FANCI: variants seen among roughly 807,000 people sequenced by gnomAD.
FANCI encodes FA complementation group I, also known as Fanconi anemia group I protein.
In FANCI, 156 loss-of-function variants were observed where a neutral mutation model predicts 176.1. That is an observed-to-expected ratio of 0.89 (90% CI 0.78 to 1.01). The LOEUF is 1.01. Among genes scored for constraint, FANCI ranks in the 50% least tolerant of loss-of-function variants. The probability of loss-of-function intolerance (pLI) is 0.00; values close to 1 mark genes in which losing one functional copy is unlikely to be tolerated. For missense variants in FANCI, 1,678 were observed against 1,534.1 expected, an observed-to-expected ratio of 1.09 and a Z score of -1.57; for synonymous variants, 613 against 541.7, an observed-to-expected ratio of 1.13 and a Z score of -1.83.
chr15:89,306,139 C>G lies in FANCI; in HGVS notation c.3482C>G (p.Thr1161Ser), dbSNP rs750714462. 6.2e-7 allele frequency: 1 copy of G among 1,614,184 alleles called. No individual in the cohort carries two copies. The highest frequency in any genetic ancestry group is 1.1e-5 in the South Asian group (1 of 91,084). The change falls in exon 32 of 38, where the codon ACC (threonine) becomes AGC (serine). Residue 1161 changes from threonine (T) to serine (S), a missense_variant. Thr to Ser is a moderately conservative substitution (Grantham distance 58). Around this residue, in one of 3 missense-constraint regions of FANCI, gnomAD observed 1,204 missense variants for 1,077.4 expected, o/e 1.12. Transcript: ENST00000310775. ...TALPSGSCVD[T>S]LLKDLCKMYT... is the part of the protein sequence containing the mutation. ...CTGCCATCAGGCAGCTGTGTGGACA[C>G]CTTGTTAAAGGACTTGTGCAAAATG...
chr15:89,299,880 T>C lies in FANCI; in HGVS notation c.2717T>C (p.Leu906Pro). Reference sequence around the variant, plus strand: ...AAAGAGAAAGGAAAGAGCATCTCACTGCTGTGCTTGGAGGGTTTACAGAAA... The same window carrying C: ...AAAGAGAAAGGAAAGAGCATCTCACCGCTGTGCTTGGAGGGTTTACAGAAA... ...GKKEKGKSIS[L>P]LCLEGLQKIF... The change falls in exon 25 of 38, where the codon CTG becomes CCG. Residue 906 changes from leucine to proline, a missense_variant. By Grantham distance (98) the Leu-to-Pro change is moderately conservative. This residue lies in a region of FANCI where 1,204 missense variants were observed against 1,077.4 expected (regional missense o/e 1.12). Transcript: ENST00000310775. 2 of 1,614,170 alleles carry C rather than the reference T, an allele frequency of 1.2e-6. No individual in the cohort carries two copies. The highest frequency in any genetic ancestry group is 2.2e-5 in the East Asian group (1 of 44,874).
At chr15:89,310,343 C>G (rs938532439) in intron 34 of FANCI, among the ~76,000 whole-genome samples, 3 of 152,224 alleles carry the variant, frequency 2.0e-5, no homozygotes, top group African/African-American at 4.8e-5. Context: ...AACCATTGCT[C>G]TAGAGTCATA....
At chr15:89,298,201 A>G (rs2054385072) in intron 24 of FANCI, among the ~76,000 whole-genome samples, 1 of 152,194 alleles carries the variant, frequency 6.6e-6, no homozygotes, top group African/African-American at 2.4e-5. Context: ...AGCACCTTCA[A>G]AATACACACT....
At chr15:89,314,504 C>G (rs1418667719) in intron 35 of FANCI, 108 bp from the exon 36 acceptor site, 1 of 834,124 alleles carries the variant, frequency 1.2e-6, no homozygotes, top group Non-Finnish European at 2.0e-6. Flanking sequence ...GATTGGGAGA[C>G]AGACTAGTTT....
chr15:89,314,376 T>C (rs2055112472), intron 35 of FANCI, among the ~76,000 whole-genome samples: 1 of 152,218 alleles, frequency 6.6e-6, no homozygotes. Flanking sequence ...ATTTTCTAGA[T>C]AACAACAAAT....
chr15:89,290,047 G>GA (rs374860877), intron 18 of FANCI, among the ~76,000 whole-genome samples, 166 bp from the exon 19 acceptor site: 109 of 152,042 alleles, frequency 7.2e-4, no homozygotes, highest in Middle Eastern at 6.8e-3. Flanking sequence ...TTTTGGGTGG[G>GA]AAAAAAATAT....
chr15:89,306,968 A>G (rs1350702999), intron 32 of FANCI, among the ~76,000 whole-genome samples: 2 of 152,226 alleles, frequency 1.3e-5, no homozygotes, highest in Non-Finnish European at 2.9e-5. Flanking sequence ...GTGGGGAAGA[A>G]AATTATTTTT....
intron 13 of FANCI, among the ~76,000 whole-genome samples, chr15:89,278,040 G>C (rs933326481): frequency 6.6e-6 from 1 of 152,112 alleles, no homozygotes; most frequent in African/African-American, 2.4e-5. Context: ...CTTAGAGTAT[G>C]TTTTTATATT....
intron 2 of FANCI, among the ~76,000 whole-genome samples, chr15:89,252,609 G>A (rs1318140681): frequency 6.6e-6 from 1 of 152,082 alleles, no homozygotes; most frequent in Admixed American, 6.5e-5. Flanking sequence ...GCGTGGTGGT[G>A]CACGCCTGTA....
intron 6 of FANCI, among the ~76,000 whole-genome samples, chr15:89,262,101 ATCT>A (rs2052736393): frequency 1.3e-5 from 2 of 152,170 alleles, no homozygotes; most frequent in East Asian, 1.9e-4. Flanking sequence ...GCTTGACTGT[ATCT>A]TCTTACAGCA....
rs144908351 is a variant in FANCI, at chr15:89,281,825, A to G, written c.1573A>G (p.Met525Val). Residue 525 changes from methionine (M) to valine (V), a missense_variant, in exon 16 of 38, where the codon ATG (methionine) becomes GTG (valine). Physicochemically the swap from Met to Val is conservative, Grantham distance 21 (BLOSUM62 1). Transcript: ENST00000310775. ...CTTGATACTTGTCCTTCGGAAAGCT[A>G]TGTTTGCCAAGTATGTAGCATCTTT... is the stretch of plus-strand genomic sequence containing the variant. Reference protein sequence around the residue: ...DCLILVLRKAMFANQLDARKS... With the variant: ...DCLILVLRKAVFANQLDARKS... 5,921 of 1,613,740 alleles carry G rather than the reference A, an allele frequency of 3.7e-3. 23 individuals are homozygous for G. Among genetic ancestry groups the G allele is most frequent in the Non-Finnish European group, 4.6e-3 (5,456 of 1,179,816 alleles).
chr15:89,275,083 C>CTTTTTTTTTTT (rs530017776), intron 12 of FANCI, among the ~76,000 whole-genome samples: 1 of 114,986 alleles, frequency 8.7e-6, no homozygotes. Context: ...GGCCTTTCTT[C>CTTTTTTTTTTT]TTTTTTTTTT....
At chr15:89,284,835 C>G (rs2053754243) in intron 17 of FANCI, among the ~76,000 whole-genome samples, 1 of 152,130 alleles carries the variant, frequency 6.6e-6, no homozygotes, top group South Asian at 2.1e-4. Context: ...GTGTACCTTC[C>G]TAAGCAATTG....
Position 89,294,897 on chromosome 15 carries a change from C to CT in FANCI, c.2457-17dup, listed in dbSNP as rs1567166365. 1.9e-6 allele frequency: 3 copies of CT among 1,545,630 alleles called. No individual in the cohort carries two copies. Among genetic ancestry groups the CT allele is most frequent in the Non-Finnish European group, 2.6e-6 (3 of 1,145,354 alleles). The stretch of plus-strand genomic sequence containing the variant: ...AGGGAATCTTCCTTTTTCTTTCTCT[C>CT]TCTCTGTCTCTCTCTAGGGATAGTA... On this transcript the variant is annotated splice_polypyrimidine_tract_variant and intron_variant, in intron 23 of 37. Transcript: ENST00000310775.
chr15:89,294,792 GA>G lies in FANCI; in HGVS notation c.2457-121del, dbSNP rs56694250. On this transcript the variant is annotated intron_variant, in intron 23 of 37. Transcript: ENST00000310775. ...GGCTGCCTAGAGAGTCTGCCAGTCG[GA>G]ACTTACTGGCAAGCTCTGTTGGGTG... 1.1e-3 allele frequency: 1,056 copies of G among 993,436 alleles called. 11 individuals carry two copies. In the African/African-American group the frequency reaches 0.015, roughly 14 times the overall value. The allele number at this position is 993,436 out of a possible 1,614,324, so 61.5% of individuals were successfully genotyped here.
rs768934008 is a variant in FANCI, at chr15:89,302,329, C to A, written c.3006+887C>A. On this transcript the variant is annotated intron_variant, in intron 27 of 37. Coordinates refer to ENST00000310775, the MANE Select transcript of FANCI (RefSeq NM_001113378.2). ...TACTTCATCCCAGTTCCAAACAGCT[C>A]ACCCCCACTTTGCTCTCATCATCGT... Among the ~76,000 whole-genome samples the A allele has an allele frequency of 2.0e-5, 3 of 152,104 alleles. 1 individual carries two copies. The East Asian group carries it at 5.8e-4, about 29-fold the overall frequency.
chr15:89,316,368 G>C, intron 37 of FANCI, 29 bp from the exon 38 acceptor site: 1 of 1,600,708 alleles, frequency 6.2e-7, no homozygotes. Context: ...GGTTTATCAC[G>C]TTAGAGCATT....
intron 1 of FANCI, among the ~76,000 whole-genome samples, chr15:89,246,142 C>G (rs932847749): frequency 6.6e-6 from 1 of 152,176 alleles, no homozygotes; most frequent in African/African-American, 2.4e-5. Flanking sequence ...AGAGGAGGAA[C>G]AGATTTTCTT....
chr15:89,290,759 C>T (rs890111618), intron 19 of FANCI, among the ~76,000 whole-genome samples: 1 of 152,114 alleles, frequency 6.6e-6, no homozygotes, highest in Non-Finnish European at 1.5e-5. Context: ...CATATAGAGA[C>T]TCTCTACCAG....
Sources: allele counts gnomAD v4.1 joint callset (sites outside exome capture counted in the v4.1 genomes callset), GRCh38; gene constraint gnomAD v4.1.1; regional missense constraint gnomAD v4.1.1; transcripts MANE v1.5; gene names NCBI Gene and HGNC (gene_info 2026-07-23, HGNC 2026-07-21).